Variants in TMEM65 observed in about 807,000 individuals in gnomAD.
TMEM65 encodes the protein transmembrane protein 65.
TMEM65 carries 22 observed loss-of-function variants against 25.4 expected under a neutral mutation model. The observed-to-expected ratio is 0.86, with a 90% confidence interval of 0.62 to 1.23. The LOEUF (loss-of-function observed/expected upper bound fraction) is 1.23. Ranked by LOEUF, TMEM65 falls within the 50% of genes most tolerant of loss-of-function variation. TMEM65 has a pLI of 0.00. For missense variants in TMEM65, 262 were observed against 308.2 expected, an observed-to-expected ratio of 0.85 and a Z score of 1.12; for synonymous variants, 132 against 126.2, an observed-to-expected ratio of 1.05 and a Z score of -0.31.
chr8:124,352,487 T>TA (rs1002403565), intron 1 of TMEM65, among the ~76,000 whole-genome samples: 5 of 110,954 alleles, frequency 4.5e-5, no homozygotes, highest in Non-Finnish European at 8.4e-5. Flanking sequence ...TAAAATAAAA[T>TA]AAAATAAAAT....
At chr8:124,342,122 TA>T (rs987611822) in intron 1 of TMEM65, among the ~76,000 whole-genome samples, 3 of 152,106 alleles carry the variant, frequency 2.0e-5, no homozygotes, top group Non-Finnish European at 4.4e-5. Context: ...GCAACAGAAA[TA>T]ATCAAATTTC....
At chr8:124,319,686 C>T (rs184940272) in intron 6 of TMEM65, among the ~76,000 whole-genome samples, 2 of 152,056 alleles carry the variant, frequency 1.3e-5, no homozygotes, top group Non-Finnish European at 2.9e-5. Flanking sequence ...GTGTTAATTC[C>T]CTTACCTGTA....
chr8:124,344,211 T>A (rs1320121228), intron 1 of TMEM65, among the ~76,000 whole-genome samples: 2 of 152,210 alleles, frequency 1.3e-5, no homozygotes, highest in Non-Finnish European at 2.9e-5. Context: ...GGTTTAGGGA[T>A]TCTAATGGTA....
chr8:124,330,757 G>C lies in TMEM65; in HGVS notation c.340C>G (p.Leu114Val). Residue 114 changes from leucine (L) to valine (V), a missense_variant, in exon 2 of 7, where the codon CTG becomes GTG. Leu to Val is a conservative substitution (Grantham distance 32). Transcript: ENST00000297632. The stretch of plus-strand genomic sequence containing the variant: ...ATTATAGAACCATTACCATATCTCA[G>C]CTGTCCTGGGGTGGGTGGTGGAGCT... Reference protein sequence around the residue: ...LEAPPPTPGQLRYVFIHNAIP... With the variant: ...LEAPPPTPGQVRYVFIHNAIP... 1 of 1,589,448 alleles carries C rather than the reference G, an allele frequency of 6.3e-7. No homozygotes were observed. The highest frequency in any genetic ancestry group is 8.5e-7 in the Non-Finnish European group (1 of 1,170,996).
chr8:124,320,765 AT>A (rs985525237), intron 5 of TMEM65, among the ~76,000 whole-genome samples: 2 of 152,188 alleles, frequency 1.3e-5, no homozygotes, highest in Non-Finnish European at 2.9e-5. Flanking sequence ...AAGAAAAAAT[AT>A]TGCTAATTAA....
At chr8:124,345,760 T>TA (rs200550199) in intron 1 of TMEM65, among the ~76,000 whole-genome samples, 10 of 152,058 alleles carry the variant, frequency 6.6e-5, no homozygotes, top group Non-Finnish European at 1.2e-4. Flanking sequence ...TTTATTTATT[T>TA]TGAGATGGAG....
At chr8:124,327,245 G>T in intron 3 of TMEM65, 109 bp downstream of exon 3, 1 of 709,688 alleles carries the variant, frequency 1.4e-6, no homozygotes, top group Non-Finnish European at 2.4e-6. Flanking sequence ...AAATATCCTT[G>T]TTCATTATGA....
intron 6 of TMEM65, 121 bp downstream of exon 6, chr8:124,319,965 C>A (rs1453418205): frequency 9.2e-6 from 6 of 652,012 alleles, no homozygotes; most frequent in Admixed American, 3.0e-5. Flanking sequence ...AACGTCTAGA[C>A]AATTTTTGTT....
intron 1 of TMEM65, among the ~76,000 whole-genome samples, chr8:124,351,898 A>G (rs1166536570): frequency 6.6e-6 from 1 of 152,096 alleles, no homozygotes; most frequent in Non-Finnish European, 1.5e-5. Context: ...TCACTTCAGC[A>G]TTTTCACTTT....
chr8:124,314,479 A>G (rs985245774), intron 6 of TMEM65, among the ~76,000 whole-genome samples: 1 of 152,236 alleles, frequency 6.6e-6, no homozygotes, highest in Admixed American at 6.5e-5. Flanking sequence ...TTAAAAGTCA[A>G]ACAGTATTAA....
At chr8:124,327,530 A>AATTTG in intron 2 of TMEM65, 109 bp from the exon 3 acceptor site, 6 of 667,302 alleles carry the variant, frequency 9.0e-6, no homozygotes, top group Non-Finnish European at 1.4e-5. Flanking sequence ...TAATCTCTAG[A>AATTTG]ATTTGATTCT....
chr8:124,314,144 TC>T, intron 6 of TMEM65, 83 bp from the exon 7 acceptor site: 2 of 1,073,212 alleles, frequency 1.9e-6, no homozygotes, highest in Non-Finnish European at 2.8e-6. Context: ...CCAGCTCTTC[TC>T]AATATATTTG....
chr8:124,333,206 C>T lies in TMEM65; in HGVS notation c.305-2414G>A, dbSNP rs142024459. 9.6e-3 allele frequency among the ~76,000 whole-genome samples: 1,445 copies of T among 150,596 alleles called. 31 individuals carry two copies. Among genetic ancestry groups the T allele is most frequent in the Middle Eastern group, 0.025 (7 of 282 alleles). On this transcript the variant is annotated intron_variant, in intron 1 of 6. Transcript: ENST00000297632. ...AAAAAATTACCTATAAAATACAAAA[C>T]GGAACTTGTAAATCAGCCCAAGGTT...
intron 1 of TMEM65, among the ~76,000 whole-genome samples, chr8:124,338,454 CAAAG>C (rs1365034837): frequency 6.6e-6 from 1 of 151,906 alleles, no homozygotes; most frequent in Non-Finnish European, 1.5e-5. Context: ...TCATCGCAGA[CAAAG>C]TATGTCAAGT....
chr8:124,369,823 A>G (rs1184383053), intron 1 of TMEM65, among the ~76,000 whole-genome samples: 1 of 152,226 alleles, frequency 6.6e-6, no homozygotes, highest in African/African-American at 2.4e-5. Context: ...CCAAGACTAC[A>G]TACACTAACA....
chr8:124,323,387 T>TA lies in TMEM65; in HGVS notation c.418-13dup, dbSNP rs1814329563. 1 of 1,423,932 alleles carries TA rather than the reference T, an allele frequency of 7.0e-7. No individual in the cohort carries two copies. The highest frequency in any genetic ancestry group is 9.7e-7 in the Non-Finnish European group (1 of 1,034,212). The allele number at this position is 1,423,932 out of a possible 1,614,324, so 88.2% of individuals were successfully genotyped here. ...TCAATATGGGTTCCCTGAAATATGA[T>TA]AAAAAATTAATCTTAAAAATTAAAG... On this transcript the variant is annotated splice_polypyrimidine_tract_variant and intron_variant, in intron 3 of 6. Coordinates refer to ENST00000297632, the MANE Select transcript of TMEM65 (RefSeq NM_194291.3).
chr8:124,326,730 G>A (rs140386441), intron 3 of TMEM65, among the ~76,000 whole-genome samples: 1 of 152,044 alleles, frequency 6.6e-6, no homozygotes, highest in Non-Finnish European at 1.5e-5. Context: ...CCTAATATTG[G>A]TATCCATTAG....
At chr8:124,322,249 A>C in intron 4 of TMEM65, 102 bp from the exon 5 acceptor site, 12 of 818,768 alleles carry the variant, frequency 1.5e-5, no homozygotes, top group Non-Finnish European at 2.1e-5. Flanking sequence ...CATATTTCTC[A>C]AACAACAGCA....
intron 2 of TMEM65, among the ~76,000 whole-genome samples, chr8:124,329,862 T>A (rs895541845): frequency 1.3e-5 from 2 of 151,900 alleles, no homozygotes; most frequent in African/African-American, 4.8e-5. Flanking sequence ...ATTGTATGAA[T>A]CTAAGGTGGG....
Sources: gnomAD v4.1 joint callset for allele counts (sites outside exome capture counted in the v4.1 genomes callset) on GRCh38, gnomAD v4.1.1 for gene constraint, MANE v1.5 for transcripts, NCBI Gene and HGNC (gene_info 2026-07-23, HGNC 2026-07-21) for gene names.